The following DSCAML1 variants were observed in gnomAD, a reference collection of about 807,000 sequenced individuals.
The protein encoded by DSCAML1 is cell adhesion molecule DSCAML1.
A neutral mutation model predicts 200.5 loss-of-function variants in DSCAML1; 38 were observed. The ratio of observed to expected loss-of-function variants is 0.19; its 90% confidence interval spans 0.15 to 0.25. The LOEUF is 0.25. Among genes scored for constraint, DSCAML1 ranks in the 10% least tolerant of loss-of-function variants. The probability of loss-of-function intolerance (pLI) is 1.00; values close to 1 mark genes in which losing one functional copy is unlikely to be tolerated. For synonymous variants in DSCAML1, 1,215 were observed against 1,165.0 expected, an observed-to-expected ratio of 1.04 and a Z score of -0.87; for missense variants, 2,223 against 2,858.8, an observed-to-expected ratio of 0.78 and a Z score of 5.07.
At position 117,797,162 on chromosome 11, in the gene DSCAML1, C is replaced by T. The variant is rs754085468; in HGVS notation, c.-83G>A. The T allele has an allele frequency of 3.2e-6, 5 of 1,584,360 alleles. No homozygotes were observed. In the Admixed American group the frequency reaches 5.3e-5, roughly 17 times the overall value. The stretch of plus-strand genomic sequence containing the variant: ...GCCTCTCCCCCGCTCAGCGCGCTCC[C>T]AGCCGCCCGCACTCGGCGCCCCGCT... On this transcript the variant is annotated 5_prime_UTR_variant, in exon 1 of 33. Coordinates refer to ENST00000651296, the MANE Select transcript of DSCAML1 (RefSeq NM_020693.4).
At chr11:117,435,988 G>A (rs1260106242) in intron 26 of DSCAML1, among the ~76,000 whole-genome samples, 189 bp from the exon 27 acceptor site, 1 of 152,202 alleles carries the variant, frequency 6.6e-6, no homozygotes, top group Non-Finnish European at 1.5e-5. Flanking sequence ...GCCATGAACA[G>A]TTGTGTAGTT....
In DSCAML1 at chr11:117,762,438, GT is replaced by G. The variant is rs1005236591; in HGVS notation, c.511+14352del. ...GGTGCCTGCTTCCTGCTGTCAATAA[GT>G]TTTTTTTTCCTTTCCTGAGTCTGGA... On this transcript the variant is annotated intron_variant, in intron 3 of 32. Coordinates refer to ENST00000651296, the MANE Select transcript of DSCAML1 (RefSeq NM_020693.4). Among the ~76,000 whole-genome samples, 85 of 151,740 alleles carry G rather than the reference GT, an allele frequency of 5.6e-4. 1 individual carries two copies. The highest frequency in any genetic ancestry group is 5.5e-3 in the Admixed American group (84 of 15,228).
chr11:117,465,229 G>A (rs768572510), intron 16 of DSCAML1, 47 bp from the exon 17 acceptor site: 2 of 1,600,004 alleles, frequency 1.3e-6, no homozygotes, highest in South Asian at 2.2e-5. Context: ...GCAACACGCT[G>A]AGATGATGCT....
chr11:117,443,934 C>T lies in DSCAML1; in HGVS notation c.3814G>A (p.Gly1272Ser), dbSNP rs2048122574. ...ACCTTCTCGCTGCTGTTGCCCCGGC[C>T]GGCAGAGGTGACGGCGGCCACCCAC... Reference protein sequence around the residue: ...LLWVAAVTSAGRGNSSEKVTI... With the variant: ...LLWVAAVTSASRGNSSEKVTI... The change falls in exon 21 of 33, where the codon GGC becomes AGC. Residue 1272 changes from glycine to serine, a missense_variant. By Grantham distance (56) the Gly-to-Ser change is moderately conservative (BLOSUM62 0). Transcript: ENST00000651296. 2 of 1,613,138 alleles carry T rather than the reference C, an allele frequency of 1.2e-6. No homozygotes were observed. The highest frequency in any genetic ancestry group is 1.7e-6 in the Non-Finnish European group (2 of 1,179,788).
chr11:117,441,987 T>G (rs1325200629), intron 21 of DSCAML1, among the ~76,000 whole-genome samples: 7 of 151,542 alleles, frequency 4.6e-5, no homozygotes, highest in African/African-American at 1.5e-4. Context: ...TGCATATGTG[T>G]GTGTATGTGT....
chr11:117,490,114 A>T (rs1055207607), intron 11 of DSCAML1, among the ~76,000 whole-genome samples: 3 of 152,090 alleles, frequency 2.0e-5, no homozygotes, highest in Non-Finnish European at 4.4e-5. Context: ...AGCACCACGG[A>T]GAGGAGAAAG....
chr11:117,461,667 C>T lies in DSCAML1; in HGVS notation c.3266-71G>A. 4 of 1,503,972 alleles carry T rather than the reference C, an allele frequency of 2.7e-6. No individual in the cohort carries two copies. The South Asian group carries it at 3.6e-5, about 13-fold the overall frequency. The allele number at this position is 1,503,972 out of a possible 1,614,324, so 93.2% of individuals were successfully genotyped here. On this transcript the variant is annotated intron_variant, in intron 17 of 32. Transcript: ENST00000651296. The stretch of plus-strand genomic sequence containing the variant: ...GTGAGTGACAGTACAGCAATTGTGT[C>T]CCAGGCTGGGTCCCGCAGTCCAACC...
intron 3 of DSCAML1, among the ~76,000 whole-genome samples, chr11:117,759,086 A>T (rs1443315076): frequency 6.6e-6 from 1 of 152,064 alleles, no homozygotes; most frequent in African/African-American, 2.4e-5. Context: ...CCCAATACAA[A>T]TCCACCCTGT....
intron 3 of DSCAML1, among the ~76,000 whole-genome samples, chr11:117,563,046 A>G (rs1042837228): frequency 6.6e-6 from 1 of 152,120 alleles, no homozygotes; most frequent in Non-Finnish European, 1.5e-5. Flanking sequence ...CCAGCCTCCC[A>G]TCCTAGCCAA....
chr11:117,685,081 G>C (rs867800458), intron 3 of DSCAML1, among the ~76,000 whole-genome samples: 1 of 152,242 alleles, frequency 6.6e-6, no homozygotes, highest in African/African-American at 2.4e-5. Flanking sequence ...AAGGCCTTCC[G>C]TGACATCGAG....
chr11:117,430,511 A>G (rs2047764084), intron 32 of DSCAML1, among the ~76,000 whole-genome samples: 1 of 152,272 alleles, frequency 6.6e-6, no homozygotes, highest in South Asian at 2.1e-4. Flanking sequence ...TGACTTGCCC[A>G]AGGCCACAGA....
intron 3 of DSCAML1, among the ~76,000 whole-genome samples, chr11:117,744,096 G>T (rs2054471711): frequency 6.6e-6 from 1 of 152,220 alleles, no homozygotes; most frequent in Admixed American, 6.5e-5. Flanking sequence ...GATAATGATT[G>T]TTTGCCATGT....
At chr11:117,502,737 C>A (rs1252302205) in intron 11 of DSCAML1, among the ~76,000 whole-genome samples, 2 of 152,162 alleles carry the variant, frequency 1.3e-5, no homozygotes, top group African/African-American at 4.8e-5. Flanking sequence ...ACAAAGCTGG[C>A]CAGGTCATGA....
intron 21 of DSCAML1, among the ~76,000 whole-genome samples, chr11:117,442,716 G>C (rs1315138049): frequency 6.6e-6 from 1 of 152,226 alleles, no homozygotes; most frequent in Non-Finnish European, 1.5e-5. Flanking sequence ...GCCAGTGCTA[G>C]CTGTTCTGGA....
chr11:117,447,836 CT>C (rs1415982699), intron 20 of DSCAML1, among the ~76,000 whole-genome samples: 4 of 152,210 alleles, frequency 2.6e-5, no homozygotes, highest in African/African-American at 9.7e-5. Context: ...GCCCTCACCC[CT>C]AGCACCCTCT....
At chr11:117,442,817 A>G (rs1209393793) in intron 21 of DSCAML1, among the ~76,000 whole-genome samples, 10 of 152,052 alleles carry the variant, frequency 6.6e-5, no homozygotes, top group Admixed American at 6.6e-4. Context: ...GCTGTGTGGA[A>G]AGAGCCCTGA....
At chr11:117,774,495 G>C (rs2055096175) in intron 3 of DSCAML1, among the ~76,000 whole-genome samples, 1 of 152,302 alleles carries the variant, frequency 6.6e-6, no homozygotes, top group South Asian at 2.1e-4. Flanking sequence ...CCATTTTACA[G>C]GTGGGGAAAT....
At chr11:117,814,447 A>G (rs1268557264) in intron 1 of DSCAML1, among the ~76,000 whole-genome samples, 1 of 152,218 alleles carries the variant, frequency 6.6e-6, no homozygotes, top group Non-Finnish European at 1.5e-5. Context: ...TGACCACCCC[A>G]GCTGCCTACC....
intron 3 of DSCAML1, among the ~76,000 whole-genome samples, chr11:117,601,733 G>A (rs2051469864): frequency 6.6e-6 from 1 of 152,222 alleles, no homozygotes; most frequent in Non-Finnish European, 1.5e-5. Flanking sequence ...AGAATGTCAC[G>A]CCCTTGAACA....
Sources: gnomAD v4.1 joint callset for allele counts (sites outside exome capture counted in the v4.1 genomes callset) on GRCh38, gnomAD v4.1.1 for gene constraint, MANE v1.5 for transcripts, NCBI Gene and HGNC (gene_info 2026-07-23, HGNC 2026-07-21) for gene names.